ENTREP2: variants seen among roughly 807,000 people sequenced by gnomAD.
The protein encoded by ENTREP2 is protein ENTREP2.
At chr15:29,160,654 A>C in the ENTREP2 span, among the ~76,000 whole-genome samples, 2 of 142,200 alleles carry the variant, frequency 1.4e-5, no homozygotes, top group Non-Finnish European at 3.0e-5. Flanking sequence ...GGTTGCAGTG[A>C]GCCAAGATCA....
At chr15:29,575,777 C>A in the ENTREP2 span, among the ~76,000 whole-genome samples, 1 of 151,952 alleles carries the variant, frequency 6.6e-6, no homozygotes, top group Non-Finnish European at 1.5e-5. Flanking sequence ...GAATGAAATA[C>A]CTGGGAATAA....
chr15:29,583,538 G>A, the ENTREP2 span, among the ~76,000 whole-genome samples: 2 of 152,060 alleles, frequency 1.3e-5, no homozygotes, highest in African/African-American at 4.8e-5. Flanking sequence ...ATACATGCTG[G>A]GCTTAATACC....
At chr15:29,582,139 C>G in the ENTREP2 span, among the ~76,000 whole-genome samples, 1 of 152,020 alleles carries the variant, frequency 6.6e-6, no homozygotes, top group East Asian at 1.9e-4. Flanking sequence ...AGATGGGTTT[C>G]ACCATCTTGG....
the ENTREP2 span, chr15:29,269,719 G>A: frequency 1.3e-6 from 2 of 1,508,488 alleles, no homozygotes; most frequent in Non-Finnish European, 1.8e-6. Context: ...TCCGGCGGCA[G>A]GTGCCGGCGC....
At chr15:29,195,564 C>T in the ENTREP2 span, among the ~76,000 whole-genome samples, 3 of 152,114 alleles carry the variant, frequency 2.0e-5, no homozygotes, top group African/African-American at 7.2e-5. Flanking sequence ...CTTGCTCTGT[C>T]ACCAGGCTGG....
chr15:29,538,638 C>CAAAAAAAAA, the ENTREP2 span, among the ~76,000 whole-genome samples: 719 of 76,948 alleles, frequency 9.3e-3, no homozygotes, highest in Non-Finnish European at 0.012. Flanking sequence ...ACTAAAAATA[C>CAAAAAAAAA]AAAAAAAAAA....
chr15:29,158,726 A>G, the ENTREP2 span, among the ~76,000 whole-genome samples: 1 of 152,188 alleles, frequency 6.6e-6, no homozygotes, highest in African/African-American at 2.4e-5. Flanking sequence ...CGAATATGAG[A>G]GAGAGGCGGG....
At chr15:29,489,832 G>A in the ENTREP2 span, among the ~76,000 whole-genome samples, 52 of 152,264 alleles carry the variant, frequency 3.4e-4, no homozygotes, top group Admixed American at 5.9e-4. Flanking sequence ...AGGCCATGAC[G>A]GCGCAGTTCT....
At chr15:29,556,817 G>A in the ENTREP2 span, among the ~76,000 whole-genome samples, 1 of 142,184 alleles carries the variant, frequency 7.0e-6, no homozygotes, top group Non-Finnish European at 1.5e-5. Context: ...CCCCATGATT[G>A]TTCTACTCCA....
At chr15:29,598,315 G>A in the ENTREP2 span, among the ~76,000 whole-genome samples, 1 of 152,084 alleles carries the variant, frequency 6.6e-6, no homozygotes, top group Non-Finnish European at 1.5e-5. Context: ...TCATTATTGT[G>A]GTGATTTGCA....
the ENTREP2 span, among the ~76,000 whole-genome samples, chr15:29,439,153 A>T: frequency 1.3e-5 from 2 of 152,150 alleles, no homozygotes; most frequent in African/African-American, 4.8e-5. Context: ...CAGACGATCC[A>T]ATCACTCTGA....
At chr15:29,317,865 C>T in the ENTREP2 span, among the ~76,000 whole-genome samples, 10 of 152,204 alleles carry the variant, frequency 6.6e-5, no homozygotes, top group African/African-American at 1.4e-4. Flanking sequence ...CAGAAGGAGG[C>T]GGGAGGCTGT....
chr15:29,289,206 C>T, the ENTREP2 span, among the ~76,000 whole-genome samples: 1 of 78,002 alleles, frequency 1.3e-5, no homozygotes, highest in Middle Eastern at 7.8e-3. Context: ...GACCCTGTCT[C>T]AAAAAAAAAA....
the ENTREP2 span, among the ~76,000 whole-genome samples, chr15:29,647,212 A>G: frequency 1.3e-5 from 2 of 152,370 alleles, no homozygotes; most frequent in Non-Finnish European, 2.9e-5. Context: ...TGGAGGACAT[A>G]CAATAGGAAC....
chr15:29,484,021 G>A, the ENTREP2 span, among the ~76,000 whole-genome samples: 7 of 152,232 alleles, frequency 4.6e-5, no homozygotes, highest in African/African-American at 1.4e-4. Flanking sequence ...CAGGATACAC[G>A]CTGCATGCAC....
the ENTREP2 span, among the ~76,000 whole-genome samples, chr15:29,127,067 G>A: frequency 0.078 from 11,947 of 152,260 alleles, 576 homozygotes; most frequent in East Asian, 0.16. Context: ...TGGAAGCAGA[G>A]ACTCTGGCGC....
At chr15:29,306,151 G>A in the ENTREP2 span, among the ~76,000 whole-genome samples, 2 of 152,256 alleles carry the variant, frequency 1.3e-5, no homozygotes, top group Non-Finnish European at 2.9e-5. Flanking sequence ...AGGATGGGAA[G>A]CAGTGCCCAC....
At chr15:29,610,494 AC>A in the ENTREP2 span, 1 of 150,580 alleles carries the variant, frequency 6.6e-6, no homozygotes, top group Non-Finnish European at 1.5e-5. Context: ...AAAGAAAAAA[AC>A]AAAACAAAAA....
the ENTREP2 span, among the ~76,000 whole-genome samples, chr15:29,245,049 G>T: frequency 6.6e-6 from 1 of 152,184 alleles, no homozygotes; most frequent in African/African-American, 2.4e-5. Context: ...GAAAGCAGAA[G>T]AAAATGTAAT....
Sources: allele counts gnomAD v4.1 joint callset (sites outside exome capture counted in the v4.1 genomes callset), GRCh38; gene constraint gnomAD v4.1.1; transcripts MANE v1.5; gene names NCBI Gene and HGNC (gene_info 2026-07-23, HGNC 2026-07-21).